The following TPGS2 variants were observed in gnomAD, a reference collection of about 807,000 sequenced individuals.
TPGS2 encodes the protein tubulin polyglutamylase complex subunit 2.
TPGS2 carries 26 observed loss-of-function variants against 31.1 expected under a neutral mutation model. The ratio of observed to expected loss-of-function variants is 0.84; its 90% CI spans 0.61 to 1.16. The LOEUF is 1.16. Among genes scored for constraint, TPGS2 ranks in the 50% most tolerant of loss-of-function variants. The pLI is 0.00. For missense variants in TPGS2, 351 were observed against 363.8 expected, an observed-to-expected ratio of 0.96 and a Z score of 0.29; for synonymous variants, 130 against 136.6, an observed-to-expected ratio of 0.95 and a Z score of 0.34.
intron 2 of TPGS2, chr18:36,817,462 G>T (rs1383914765): frequency 6.7e-6 from 1 of 149,932 alleles, no homozygotes; most frequent in African/African-American, 2.5e-5. Flanking sequence ...ATGAAACAAG[G>T]TCTTGCCCTG....
intron 6 of TPGS2, chr18:36,787,226 T>C: frequency 1.1e-6 from 1 of 881,380 alleles, no homozygotes; most frequent in Non-Finnish European, 1.5e-6. Flanking sequence ...GCAGCAGTTT[T>C]CCTGAACTAT....
chr18:36,792,969 GT>G (rs2044366722), downstream of TPGS2, among the ~76,000 whole-genome samples: 1 of 152,104 alleles, frequency 6.6e-6, no homozygotes, highest in Non-Finnish European at 1.5e-5. Context: ...AATTGCTTTA[GT>G]TTCAAAACAT....
At position 36,794,178 on chromosome 18, in the gene TPGS2, T is replaced by G; in HGVS notation, c.*2627A>C. On this transcript the variant is annotated 3_prime_UTR_variant, in exon 7 of 7. Coordinates refer to ENST00000334295, the MANE Select transcript of TPGS2 (RefSeq NM_015476.4). ...AATAAAAAACACAGCCATAACAAGT[T>G]GAGAAAGACACTATGGAAGAAAGGA... 30 of 737,730 alleles carry G rather than the reference T, an allele frequency of 4.1e-5. No homozygotes were observed. The highest frequency in any genetic ancestry group is 1.3e-4 in the East Asian group (1 of 7,666). The allele number at this position is 737,730 out of a possible 1,614,324, so 45.7% of individuals were successfully genotyped here.
At chr18:36,808,797 T>C (rs2045289244) in intron 2 of TPGS2, among the ~76,000 whole-genome samples, 1 of 152,120 alleles carries the variant, frequency 6.6e-6, no homozygotes, top group Non-Finnish European at 1.5e-5. Context: ...AGAAGAAACT[T>C]AGTATCCCTT....
At chr18:36,807,523 G>C (rs1269101489) in intron 3 of TPGS2, 2 of 316,412 alleles carry the variant, frequency 6.3e-6, no homozygotes, top group Non-Finnish European at 1.2e-5. Flanking sequence ...TTTGCTTGGA[G>C]GTAGAGCCCT....
intron 4 of TPGS2, among the ~76,000 whole-genome samples, chr18:36,800,654 A>G (rs1161095123): frequency 1.3e-5 from 2 of 152,114 alleles, no homozygotes; most frequent in Admixed American, 1.3e-4. Flanking sequence ...TTTATTCTAT[A>G]AAAGTGGGAT....
At chr18:36,805,950 T>TAA (rs11410523) in intron 3 of TPGS2, 46 of 150,776 alleles carry the variant, frequency 3.1e-4, no homozygotes, top group African/African-American at 7.8e-4. Flanking sequence ...CTTTCATGAT[T>TAA]AAAAAAAAAA....
At chr18:36,812,742 T>C (rs564287463) in intron 2 of TPGS2, among the ~76,000 whole-genome samples, 1 of 152,192 alleles carries the variant, frequency 6.6e-6, no homozygotes, top group Non-Finnish European at 1.5e-5. Context: ...GCAATTGGCA[T>C]TGGAAGTGAG....
downstream of TPGS2, among the ~76,000 whole-genome samples, chr18:36,792,902 C>T (rs2044364747): frequency 6.6e-6 from 1 of 152,242 alleles, no homozygotes; most frequent in African/African-American, 2.4e-5. Flanking sequence ...TTTTGTGACT[C>T]CAGCATAATG....
intron 1 of TPGS2, among the ~76,000 whole-genome samples, chr18:36,821,551 G>T (rs141501150): frequency 6.6e-6 from 1 of 152,330 alleles, no homozygotes; most frequent in East Asian, 1.9e-4. Flanking sequence ...TAAGCTTTGG[G>T]AAATTAATGC....
Position 36,794,540 on chromosome 18 carries a change from G to T in TPGS2, c.*2265C>A, listed in dbSNP as rs1326349230. ...AAAAGGGGTATCTGCTGCAGTGGAA[G>T]ATGACATAACTTCTCAACTCCCTTC... On this transcript the variant is annotated 3_prime_UTR_variant, in exon 7 of 7. Transcript: ENST00000334295. 2.0e-6 allele frequency: 2 copies of T among 985,312 alleles called. No homozygotes were observed. Among genetic ancestry groups the T allele is most frequent in the East Asian group, 2.3e-4 (2 of 8,828 alleles). The allele number at this position is 985,312 out of a possible 1,614,324, so 61.0% of individuals were successfully genotyped here. A position where few individuals can be genotyped will look rare whatever the true frequency, so the allele number is the denominator to read the frequency against.
At chr18:36,828,362 G>T (rs1167692228) in intron 1 of TPGS2, among the ~76,000 whole-genome samples, 8 of 152,108 alleles carry the variant, frequency 5.3e-5, no homozygotes, top group Admixed American at 2.6e-4. Context: ...CCTAGGGGGA[G>T]ATCCAACTTC....
In TPGS2 at chr18:36,796,632, G is replaced by C. The variant is rs917985791; in HGVS notation, c.*173C>G. 1.4e-6 allele frequency: 2 copies of C among 1,391,898 alleles called. No homozygotes were observed. The highest frequency in any genetic ancestry group is 3.0e-5 in the African/African-American group (2 of 67,530). 86.2% of individuals were successfully genotyped at this position (1,391,898 alleles called of 1,614,324 possible). On this transcript the variant is annotated 3_prime_UTR_variant, in exon 7 of 7. Transcript: ENST00000334295. ...GCAGGGGACAGCACAACCTGCTCTG[G>C]AGGCCTCACTACGAGCCTGGCTAAT... is the stretch of plus-strand genomic sequence containing the variant.
intron 3 of TPGS2, among the ~76,000 whole-genome samples, chr18:36,806,247 T>C (rs998710206): frequency 6.6e-6 from 1 of 152,070 alleles, no homozygotes; most frequent in Non-Finnish European, 1.5e-5. Context: ...GGTATGGAAA[T>C]GGGGATAAGA....
intron 5 of TPGS2, among the ~76,000 whole-genome samples, chr18:36,799,173 G>C (rs1332480605): frequency 1.3e-5 from 2 of 152,126 alleles, no homozygotes; most frequent in African/African-American, 4.8e-5. Context: ...TTCCTCTGCT[G>C]TCTAGATAGC....
At chr18:36,788,923 G>A (rs1268577420) in intron 6 of TPGS2, 1 of 152,166 alleles carries the variant, frequency 6.6e-6, no homozygotes. Context: ...CTCCCTAGGA[G>A]GGCAAAGGAG....
chr18:36,814,500 T>C (rs1044517005), intron 2 of TPGS2, among the ~76,000 whole-genome samples: 2 of 152,182 alleles, frequency 1.3e-5, no homozygotes, highest in Non-Finnish European at 2.9e-5. Context: ...CTTCCTGGAT[T>C]TGCAGTATAG....
chr18:36,816,075 T>A (rs1046432128), intron 2 of TPGS2, among the ~76,000 whole-genome samples: 1 of 152,244 alleles, frequency 6.6e-6, no homozygotes, highest in Non-Finnish European at 1.5e-5. Context: ...CAAATCTACG[T>A]ATCTGATTAT....
At chr18:36,812,581 A>G (rs1036130980) in intron 2 of TPGS2, among the ~76,000 whole-genome samples, 1 of 152,136 alleles carries the variant, frequency 6.6e-6, no homozygotes, top group Non-Finnish European at 1.5e-5. Context: ...CTTCATCTGT[A>G]TCCTTTGTAA....
Sources: allele counts gnomAD v4.1 joint callset (sites outside exome capture counted in the v4.1 genomes callset), GRCh38; gene constraint gnomAD v4.1.1; transcripts MANE v1.5; gene names NCBI Gene and HGNC (gene_info 2026-07-23, HGNC 2026-07-21).